DISC1: variants seen among roughly 807,000 people sequenced by gnomAD.
DISC1 encodes the protein DISC1 scaffold protein, also known as disrupted in schizophrenia 1 protein.
In DISC1, 57 loss-of-function variants were observed where a neutral mutation model predicts 84.5. The ratio of observed to expected loss-of-function variants is 0.67; its 90% confidence interval spans 0.55 to 0.84. The LOEUF (loss-of-function observed/expected upper bound fraction) is 0.84. Among genes scored for constraint, DISC1 ranks in the 40% least tolerant of loss-of-function variants. The probability of loss-of-function intolerance (pLI) is 0.00; values close to 1 mark genes in which losing one functional copy is unlikely to be tolerated. For missense variants in DISC1, 1,000 were observed against 1,057.8 expected (o/e 0.95, Z 0.76); for synonymous variants, 411 against 415.2 (o/e 0.99, Z 0.12).
At chr1:231,973,229 G>T (rs1247290300) in intron 10 of DISC1, among the ~76,000 whole-genome samples, 1 of 152,122 alleles carries the variant, frequency 6.6e-6, no homozygotes, top group Non-Finnish European at 1.5e-5. Context: ...GTATTTTTAA[G>T]TAGAGATGGG....
chr1:231,639,485 C>A (rs1251650071), intron 1 of DISC1, among the ~76,000 whole-genome samples: 1 of 152,168 alleles, frequency 6.6e-6, no homozygotes, highest in South Asian at 2.1e-4. Context: ...CCTAGAAGCA[C>A]GGAGGTACAT....
chr1:231,729,789 G>A (rs1283759132), intron 3 of DISC1, among the ~76,000 whole-genome samples: 1 of 147,504 alleles, frequency 6.8e-6, no homozygotes, highest in African/African-American at 2.5e-5. Context: ...CTGCTGCCAT[G>A]TCATTAGCCA....
intron 6 of DISC1, among the ~76,000 whole-genome samples, chr1:231,794,017 C>T (rs960701158): frequency 3.9e-5 from 6 of 152,150 alleles, no homozygotes; most frequent in Non-Finnish European, 7.4e-5. Context: ...CTCCTGACTT[C>T]AGGTGATCCA....
At chr1:231,842,029 T>C (rs545679308) in intron 9 of DISC1, among the ~76,000 whole-genome samples, 3 of 152,292 alleles carry the variant, frequency 2.0e-5, no homozygotes, top group African/African-American at 7.2e-5. Flanking sequence ...AGAGAGGGTC[T>C]TGTGTTGTTG....
At chr1:231,729,790 T>A (rs984792921) in intron 3 of DISC1, among the ~76,000 whole-genome samples, 2 of 151,848 alleles carry the variant, frequency 1.3e-5, no homozygotes, top group African/African-American at 4.8e-5. Context: ...TGCTGCCATG[T>A]CATTAGCCAG....
chr1:231,744,361 A>T (rs2073721289), intron 3 of DISC1, among the ~76,000 whole-genome samples: 1 of 152,220 alleles, frequency 6.6e-6, no homozygotes, highest in African/African-American at 2.4e-5. Context: ...GATGAATGGT[A>T]TCTTAAAACC....
At chr1:232,012,125 T>C (rs2103007077) in intron 11 of DISC1, among the ~76,000 whole-genome samples, 1 of 151,870 alleles carries the variant, frequency 6.6e-6, no homozygotes, top group South Asian at 2.1e-4. Flanking sequence ...CACAAGCATC[T>C]CTAAAATGCT....
At chr1:231,777,374 C>A (rs1263372444) in intron 6 of DISC1, among the ~76,000 whole-genome samples, 2 of 152,068 alleles carry the variant, frequency 1.3e-5, no homozygotes, top group East Asian at 3.9e-4. Context: ...GTGCATGTCA[C>A]CATGCCAGGC....
chr1:231,748,171 C>A (rs1321208884), intron 3 of DISC1, among the ~76,000 whole-genome samples: 2 of 152,124 alleles, frequency 1.3e-5, no homozygotes, highest in African/African-American at 4.8e-5. Flanking sequence ...TAAGAGCATG[C>A]CATCTGCAAA....
At chr1:231,670,953 A>G (rs1474311126) in intron 1 of DISC1, among the ~76,000 whole-genome samples, 2 of 152,336 alleles carry the variant, frequency 1.3e-5, no homozygotes, top group Non-Finnish European at 2.9e-5. Flanking sequence ...CTGGCTGGGT[A>G]TAAAATTCTT....
Position 231,631,494 on chromosome 1 carries a change from T to G in DISC1, c.67+4560T>G, listed in dbSNP as rs538986755. On this transcript the variant is annotated intron_variant, in intron 1 of 12. Transcript: ENST00000439617. Reference sequence around the variant, plus strand: ...GATGGCTCCATGCGTGTTTTTGCCTTGAAGGCCTTCCAACGGGACAAGGTG... The same window carrying G: ...GATGGCTCCATGCGTGTTTTTGCCTGGAAGGCCTTCCAACGGGACAAGGTG... Among the ~76,000 whole-genome samples the G allele has an allele frequency of 8.5e-5, 13 of 152,290 alleles. No individual in the cohort carries two copies. The East Asian group carries it at 2.3e-3, about 27-fold the overall frequency.
chr1:232,011,143 G>C (rs528483234), intron 11 of DISC1, among the ~76,000 whole-genome samples: 1 of 152,302 alleles, frequency 6.6e-6, no homozygotes, highest in South Asian at 2.1e-4. Flanking sequence ...CCCAGGCATA[G>C]GAGGATTCGT....
intron 10 of DISC1, among the ~76,000 whole-genome samples, chr1:232,005,642 C>G (rs567023339): frequency 6.6e-6 from 1 of 152,102 alleles, no homozygotes; most frequent in African/African-American, 2.4e-5. Context: ...CTGCCTAATT[C>G]CTTCTTTATC....
intron 4 of DISC1, chr1:231,750,322 G>T: frequency 1.5e-6 from 2 of 1,315,836 alleles, no homozygotes; most frequent in Non-Finnish European, 1.9e-6. Flanking sequence ...AAGTGCAGCT[G>T]CATCCCAGGT....
At chr1:231,858,737 G>T (rs1200169780) in intron 9 of DISC1, among the ~76,000 whole-genome samples, 2 of 152,118 alleles carry the variant, frequency 1.3e-5, no homozygotes, top group African/African-American at 2.4e-5. Flanking sequence ...GTTTCTCTGG[G>T]GAGTGCTGTA....
chr1:231,873,961 G>T (rs996871441), intron 9 of DISC1, among the ~76,000 whole-genome samples: 5 of 151,930 alleles, frequency 3.3e-5, no homozygotes, highest in African/African-American at 1.2e-4. Context: ...CAACTCTCCT[G>T]CCTCGGCCTC....
chr1:232,027,359 A>T (rs2103046188), intron 12 of DISC1, among the ~76,000 whole-genome samples: 1 of 152,330 alleles, frequency 6.6e-6, no homozygotes, highest in East Asian at 1.9e-4. Flanking sequence ...AACTCAATTT[A>T]GTCCTTTCTG....
At chr1:231,867,808 G>A (rs1233491253) in intron 9 of DISC1, among the ~76,000 whole-genome samples, 1 of 152,198 alleles carries the variant, frequency 6.6e-6, no homozygotes, top group Non-Finnish European at 1.5e-5. Context: ...GGAAACAGTT[G>A]GAGCACTATG....
chr1:231,689,700 G>A (rs1209497423), intron 1 of DISC1, among the ~76,000 whole-genome samples: 1 of 152,034 alleles, frequency 6.6e-6, no homozygotes, highest in East Asian at 1.9e-4. Flanking sequence ...AATATTGTCT[G>A]GCCAATGTGT....
Sources: gnomAD v4.1 joint callset for allele counts (sites outside exome capture counted in the v4.1 genomes callset) on GRCh38, gnomAD v4.1.1 for gene constraint, MANE v1.5 for transcripts, NCBI Gene and HGNC (gene_info 2026-07-23, HGNC 2026-07-21) for gene names.